KALRN: variants seen among roughly 807,000 people sequenced by gnomAD.
KALRN encodes the protein kalirin RhoGEF kinase, also known as kalirin.
Under a neutral mutation model 353.7 loss-of-function variants are expected in KALRN, and 70 were observed. The ratio of observed to expected loss-of-function variants is 0.20; its 90% CI spans 0.16 to 0.24. The LOEUF is 0.24. Ranked by LOEUF, KALRN falls within the 10% of genes least tolerant of loss-of-function variation. The probability of loss-of-function intolerance (pLI) is 1.00; values close to 1 mark genes in which losing one functional copy is unlikely to be tolerated. For missense variants in KALRN, 2,791 were observed against 3,756.7 expected, an observed-to-expected ratio of 0.74 and a Z score of 6.72; for synonymous variants, 1,391 against 1,434.8, an observed-to-expected ratio of 0.97 and a Z score of 0.69.
intron 42 of KALRN, 34 bp from the exon 43 acceptor site, chr3:124,659,331 C>A: frequency 6.8e-7 from 1 of 1,461,346 alleles, no homozygotes; most frequent in South Asian, 1.1e-5. Flanking sequence ...TTCTTCAGTT[C>A]CTTTTTCTTC....
At chr3:124,705,766 G>T (rs532121564) in intron 57 of KALRN, among the ~76,000 whole-genome samples, 1 of 152,124 alleles carries the variant, frequency 6.6e-6, no homozygotes, top group African/African-American at 2.4e-5. Flanking sequence ...GTATCTGTGT[G>T]ATTGTCTTTC....
intron 8 of KALRN, among the ~76,000 whole-genome samples, chr3:124,332,174 C>T (rs2080639956): frequency 6.6e-6 from 1 of 152,256 alleles, no homozygotes; most frequent in South Asian, 2.1e-4. Context: ...CCTCTCCTGG[C>T]CTCTGCTGCA....
chr3:124,697,456 G>A, intron 54 of KALRN, 137 bp from the exon 55 acceptor site: 1 of 780,606 alleles, frequency 1.3e-6, no homozygotes, highest in South Asian at 2.0e-5. Flanking sequence ...CTGGAGAAAG[G>A]TATGCCACTT....
intron 32 of KALRN, among the ~76,000 whole-genome samples, chr3:124,495,959 AT>A (rs2063691544): frequency 3.0e-5 from 1 of 32,988 alleles, no homozygotes; most frequent in African/African-American, 1.4e-4. Context: ...GTGTATGTGT[AT>A]GTATGTATAT....
At chr3:124,289,259 A>G (rs532979751) in intron 5 of KALRN, among the ~76,000 whole-genome samples, 1 of 152,322 alleles carries the variant, frequency 6.6e-6, no homozygotes, top group East Asian at 1.9e-4. Flanking sequence ...TCAACATATG[A>G]ACTTGGGGAT....
At chr3:124,123,046 C>T (rs2064206742) in intron 1 of KALRN, among the ~76,000 whole-genome samples, 1 of 151,906 alleles carries the variant, frequency 6.6e-6, no homozygotes, top group Non-Finnish European at 1.5e-5. Context: ...ACAAAAAGCA[C>T]AAAAATTAGC....
intron 1 of KALRN, among the ~76,000 whole-genome samples, chr3:124,175,113 C>T (rs2072477551): frequency 6.6e-6 from 1 of 152,196 alleles, no homozygotes; most frequent in Non-Finnish European, 1.5e-5. Flanking sequence ...CAGGCACAGC[C>T]CAGCCCACGT....
intron 1 of KALRN, among the ~76,000 whole-genome samples, chr3:124,038,338 A>G (rs1314322756): frequency 6.6e-6 from 1 of 152,130 alleles, no homozygotes; most frequent in Non-Finnish European, 1.5e-5. Context: ...GGAATCAGCT[A>G]CTTGCAGAGT....
intron 3 of KALRN, among the ~76,000 whole-genome samples, chr3:124,262,062 A>C (rs140014626): frequency 3.3e-5 from 5 of 152,340 alleles, no homozygotes; most frequent in African/African-American, 1.2e-4. Context: ...GATTTTAAAA[A>C]TTCTATGACC....
intron 29 of KALRN, 133 bp downstream of exon 29, chr3:124,488,448 A>G (rs747059820): frequency 7.0e-5 from 47 of 670,638 alleles, no homozygotes; most frequent in South Asian, 3.4e-4. Flanking sequence ...AAGTAGTTAC[A>G]TAGGCCCTTG....
At chr3:124,279,735 A>G (rs937080605) in intron 5 of KALRN, among the ~76,000 whole-genome samples, 6 of 152,200 alleles carry the variant, frequency 3.9e-5, no homozygotes, top group African/African-American at 1.4e-4. Context: ...TGTGCCAGGG[A>G]TGGGCAATTG....
At chr3:124,518,759 T>C in intron 33 of KALRN, 1 of 1,341,716 alleles carries the variant, frequency 7.5e-7, no homozygotes. Flanking sequence ...TGGCCCAATG[T>C]ACTTCCCCCA....
chr3:124,072,363 G>T (rs1030596927), intron 1 of KALRN, among the ~76,000 whole-genome samples: 3 of 152,144 alleles, frequency 2.0e-5, no homozygotes, highest in Non-Finnish European at 4.4e-5. Flanking sequence ...CCTGAAAGTG[G>T]TCTCTTCCTG....
intron 1 of KALRN, among the ~76,000 whole-genome samples, chr3:124,064,072 T>C (rs1466760914): frequency 6.6e-6 from 1 of 152,200 alleles, no homozygotes; most frequent in African/African-American, 2.4e-5. Context: ...TGAGGTTTGA[T>C]AGGCCCCATG....
intron 6 of KALRN, among the ~76,000 whole-genome samples, chr3:124,325,578 C>T (rs1220242668): frequency 6.6e-6 from 1 of 152,142 alleles, no homozygotes; most frequent in Non-Finnish European, 1.5e-5. Flanking sequence ...CTCCCCTGAG[C>T]AAGAGAGATG....
chr3:124,079,952 A>G, intron 1 of KALRN: 1 of 432,844 alleles, frequency 2.3e-6, no homozygotes, highest in South Asian at 1.7e-5. Context: ...TTCAGGTTAA[A>G]CAGTCATAGT....
chr3:124,040,348 G>T (rs1001183544), intron 1 of KALRN, among the ~76,000 whole-genome samples: 3 of 152,150 alleles, frequency 2.0e-5, no homozygotes, highest in African/African-American at 7.2e-5. Context: ...TGCTGGAGGT[G>T]GTCAGTATGG....
intron 33 of KALRN, among the ~76,000 whole-genome samples, chr3:124,526,955 G>A (rs2067641063): frequency 6.6e-6 from 1 of 152,122 alleles, no homozygotes. Context: ...TTCTAGACAG[G>A]AAAAAGAAAA....
At position 124,269,551 on chromosome 3, in the gene KALRN, T is replaced by C. The variant is rs1220539952; in HGVS notation, c.969+296T>C. Among the ~76,000 whole-genome samples, 3 of 152,330 alleles carry C rather than the reference T, an allele frequency of 2.0e-5. No individual in the cohort carries two copies. The East Asian group carries it at 5.8e-4, about 29-fold the overall frequency. The stretch of plus-strand genomic sequence containing the variant: ...ATGAAGAAACTGAAAGGTTAAAGAA[T>C]TCACCAAGCTGGGAAGTGCAGTCTG... On this transcript the variant is annotated intron_variant, in intron 5 of 59. Coordinates refer to ENST00000682506, the MANE Select transcript of KALRN (RefSeq NM_001388419.1).
Sources: allele counts gnomAD v4.1 joint callset (sites outside exome capture counted in the v4.1 genomes callset), GRCh38; gene constraint gnomAD v4.1.1; transcripts MANE v1.5; gene names NCBI Gene and HGNC (gene_info 2026-07-23, HGNC 2026-07-21).